The following TUT4 variants were observed in gnomAD, a reference collection of about 807,000 sequenced individuals.
TUT4 encodes terminal uridylyl transferase 4.
Under a neutral mutation model 192.2 loss-of-function variants are expected in TUT4, and 36 were observed. The observed-to-expected ratio is 0.19, with a 90% CI of 0.14 to 0.25. The LOEUF (loss-of-function observed/expected upper bound fraction) is 0.25, where lower values mean the gene tolerates loss of function less well. Among genes scored for constraint, TUT4 ranks in the 10% least tolerant of loss-of-function variants. TUT4 has a pLI of 1.00. For synonymous variants in TUT4, 618 were observed against 666.0 expected (o/e 0.93, Z 1.11); for missense variants, 1,493 against 1,957.2 (o/e 0.76, Z 4.47).
chr1:52,484,029 T>G (rs962265334), intron 9 of TUT4, among the ~76,000 whole-genome samples: 5 of 151,358 alleles, frequency 3.3e-5, no homozygotes, highest in African/African-American at 1.2e-4. Context: ...GCAAAGGCCT[T>G]GCCTCTTGAA....
At chr1:52,509,490 T>C (rs1322314283) in intron 4 of TUT4, 106 bp downstream of exon 4, 5 of 719,576 alleles carry the variant, frequency 6.9e-6, no homozygotes, top group African/African-American at 5.4e-5. Context: ...CAGTTACCAA[T>C]ATAAGATTGG....
intron 9 of TUT4, among the ~76,000 whole-genome samples, chr1:52,487,276 T>C (rs1249933774): frequency 6.6e-6 from 1 of 151,686 alleles, no homozygotes; most frequent in Non-Finnish European, 1.5e-5. Flanking sequence ...TGAGAACCCA[T>C]CTCTACAAAA....
At chr1:52,535,447 A>C (rs1053476123) in intron 1 of TUT4, among the ~76,000 whole-genome samples, 1 of 152,154 alleles carries the variant, frequency 6.6e-6, no homozygotes, top group Admixed American at 6.6e-5. Context: ...AAAGACCACT[A>C]ATATTCAGAA....
Position 52,423,581 on chromosome 1 carries a change from A to T in TUT4, c.*354T>A. 3.3e-6 allele frequency: 1 copy of T among 304,468 alleles called. No homozygotes were observed. Among genetic ancestry groups the T allele is most frequent in the Non-Finnish European group, 6.4e-6 (1 of 157,436 alleles). 18.9% of individuals were successfully genotyped at this position (304,468 alleles called of 1,614,324 possible). ...CAGCTAATAGAAAATAAAGAATGTA[A>T]TTTTTTAAATTCTCTCTTTATACAA... On this transcript the variant is annotated 3_prime_UTR_variant, in exon 30 of 30. Transcript: ENST00000257177.
At chr1:52,490,903 G>T in intron 7 of TUT4, 102 bp from the exon 8 acceptor site, 1 of 944,254 alleles carries the variant, frequency 1.1e-6, no homozygotes, top group Non-Finnish European at 1.6e-6. Flanking sequence ...TATTCTCATT[G>T]CTTCTGTGGG....
chr1:52,511,958 G>A (rs931529264), intron 3 of TUT4, among the ~76,000 whole-genome samples: 1 of 151,936 alleles, frequency 6.6e-6, no homozygotes, highest in African/African-American at 2.4e-5. Flanking sequence ...AGTTCAAGGT[G>A]AGAGTGGTGA....
At chr1:52,455,337 T>C (rs1358130455) in intron 20 of TUT4, among the ~76,000 whole-genome samples, 1 of 151,864 alleles carries the variant, frequency 6.6e-6, no homozygotes, top group Admixed American at 6.6e-5. Flanking sequence ...GCAAAAGTAA[T>C]TGCGGTTTTG....
chr1:52,431,183 T>A lies in TUT4; in HGVS notation c.4541A>T (p.His1514Leu). ...GCTGGGGGCACTGCCTGGTGCAGAG[T>A]GGATCACTGGGCCATGGATGGGCCA... Reference protein sequence around the residue: ...PSWPIHGPVIHSAPGSAPSNI... With the variant: ...PSWPIHGPVILSAPGSAPSNI... The change falls in exon 28 of 30, where the codon CAC (histidine) becomes CTC (leucine). Residue 1514 changes from histidine (H) to leucine (L), a missense_variant. Transcript: ENST00000257177. The A allele has an allele frequency of 6.2e-7, 1 of 1,614,038 alleles. No homozygotes were observed. Among genetic ancestry groups the A allele is most frequent in the Non-Finnish European group, 8.5e-7 (1 of 1,180,006 alleles).
At chr1:52,505,658 G>T (rs1675337104) in intron 4 of TUT4, among the ~76,000 whole-genome samples, 1 of 151,872 alleles carries the variant, frequency 6.6e-6, no homozygotes, top group East Asian at 1.9e-4. Flanking sequence ...CCAACCTCAG[G>T]TGATCTGCCT....
At chr1:52,520,085 C>T (rs1290395584) in intron 2 of TUT4, among the ~76,000 whole-genome samples, 2 of 152,040 alleles carry the variant, frequency 1.3e-5, no homozygotes, top group African/African-American at 2.4e-5. Flanking sequence ...GAGTGTTTGA[C>T]GCAGAGGAAA....
intron 16 of TUT4, among the ~76,000 whole-genome samples, chr1:52,464,258 T>TA (rs374510479): frequency 1.2e-4 from 19 of 152,140 alleles, no homozygotes; most frequent in Non-Finnish European, 2.2e-4. Context: ...TTTATTTATT[T>TA]TTTTTTTAAT....
chr1:52,444,784 A>G (rs1397250153), intron 24 of TUT4, among the ~76,000 whole-genome samples: 1 of 151,312 alleles, frequency 6.6e-6, no homozygotes, highest in Non-Finnish European at 1.5e-5. Flanking sequence ...GTCGGACTCC[A>G]AGTTCTTCAA....
chr1:52,519,791 G>A (rs1465719290), intron 2 of TUT4, among the ~76,000 whole-genome samples: 3 of 152,142 alleles, frequency 2.0e-5, no homozygotes, highest in Non-Finnish European at 2.9e-5. Context: ...TTACAGGCGC[G>A]AGCCACTGCA....
intron 20 of TUT4, among the ~76,000 whole-genome samples, chr1:52,449,874 T>C (rs190951718): frequency 1.1e-4 from 17 of 152,302 alleles, no homozygotes; most frequent in Admixed American, 2.0e-4. Context: ...TAGAATCAAA[T>C]AGTATTTGTC....
intron 24 of TUT4, among the ~76,000 whole-genome samples, chr1:52,444,988 T>C (rs199779588): frequency 2.4e-4 from 34 of 144,602 alleles, no homozygotes; most frequent in African/African-American, 5.6e-4. Context: ...TGTGTATATA[T>C]ATGTATATAC....
At chr1:52,533,277 T>C (rs1438339772) in intron 1 of TUT4, among the ~76,000 whole-genome samples, 1 of 152,250 alleles carries the variant, frequency 6.6e-6, no homozygotes, top group Non-Finnish European at 1.5e-5. Context: ...ACTCTATTAC[T>C]GGATCTAGCT....
At chr1:52,496,504 T>C (rs962765160) in intron 5 of TUT4, among the ~76,000 whole-genome samples, 1 of 152,180 alleles carries the variant, frequency 6.6e-6, no homozygotes, top group Non-Finnish European at 1.5e-5. Flanking sequence ...ATACATTTAC[T>C]TTAACCCTAT....
chr1:52,495,615 C>T, intron 5 of TUT4, 100 bp from the exon 6 acceptor site: 1 of 702,864 alleles, frequency 1.4e-6, no homozygotes, highest in Non-Finnish European at 2.4e-6. Context: ...AGTTCTACGT[C>T]TTCCATTTCT....
intron 10 of TUT4, 69 bp downstream of exon 10, chr1:52,481,735 T>C: frequency 1.9e-6 from 3 of 1,545,370 alleles, no homozygotes; most frequent in Non-Finnish European, 8.7e-7. Context: ...TTAAAATGTT[T>C]GAGCAGAGTT....
Sources: allele counts gnomAD v4.1 joint callset (sites outside exome capture counted in the v4.1 genomes callset), GRCh38; gene constraint gnomAD v4.1.1; transcripts MANE v1.5; gene names NCBI Gene and HGNC (gene_info 2026-07-23, HGNC 2026-07-21).